The following INPP5D variants were observed in gnomAD, a reference collection of about 807,000 sequenced individuals.
INPP5D encodes inositol polyphosphate-5-phosphatase D, also known as phosphatidylinositol 3,4,5-trisphosphate 5-phosphatase 1.
INPP5D carries 33 observed loss-of-function variants against 122.9 expected under a neutral mutation model. That is an observed-to-expected ratio of 0.27 (90% CI 0.20 to 0.36). The LOEUF (loss-of-function observed/expected upper bound fraction) is 0.36, where lower values mean the gene tolerates loss of function less well. Among genes scored for constraint, INPP5D ranks in the 10% least tolerant of loss-of-function variants. INPP5D has a pLI of 1.00. For synonymous variants in INPP5D, 584 were observed against 576.2 expected, an observed-to-expected ratio of 1.01 and a Z score of -0.19; for missense variants, 1,053 against 1,412.7, an observed-to-expected ratio of 0.75 and a Z score of 4.08.
chr2:233,121,141 T>C (rs969708939), intron 2 of INPP5D, among the ~76,000 whole-genome samples: 2 of 147,124 alleles, frequency 1.4e-5, no homozygotes, highest in African/African-American at 5.0e-5. Flanking sequence ...TTTCTTTTTT[T>C]TTTTTTTTGA....
intron 1 of INPP5D, among the ~76,000 whole-genome samples, chr2:233,074,981 C>G (rs1369449350): frequency 6.6e-6 from 1 of 152,160 alleles, no homozygotes; most frequent in African/African-American, 2.4e-5. Flanking sequence ...ATGTTTCTTC[C>G]TACTTCCACG....
chr2:233,138,785 G>A (rs139627206), intron 5 of INPP5D, among the ~76,000 whole-genome samples: 8,425 of 151,608 alleles, frequency 0.056, 740 homozygotes, highest in African/African-American at 0.19. Context: ...TCGCTCTGTC[G>A]CCCAGGCTGG....
rs1694663723 is a variant in INPP5D at position 233,177,298 on chromosome 2, G to A, written c.2023G>A (p.Val675Ile). 1.9e-6 allele frequency: 3 copies of A among 1,613,842 alleles called. No individual in the cohort carries two copies. Among genetic ancestry groups the A allele is most frequent in the African/African-American group, 1.3e-5 (1 of 74,928 alleles). The change falls in exon 18 of 27, where the codon GTC becomes ATC. Residue 675 changes from valine to isoleucine, a missense_variant. Around this residue, in one of 6 missense-constraint regions of INPP5D, gnomAD observed 258 missense variants for 439.1 expected, o/e 0.59. Coordinates refer to ENST00000445964, the MANE Select transcript of INPP5D (RefSeq NM_001017915.3). The surrounding 1 kb of genome is among the most constrained non-coding windows in gnomAD (Gnocchi z 4.2). ...CAACTTGCCTTCCTGGTGTGACCGA[G>A]TCCTCTGGAAGTCTTATCCCCTGGT... ...KYNLPSWCDR[V>I]LWKSYPLVHV...
rs116503336 is a variant in INPP5D at position 233,105,106 on chromosome 2, T to G, written c.199-17001T>G. Among the ~76,000 whole-genome samples, 557 of 152,250 alleles carry G rather than the reference T, an allele frequency of 3.7e-3. 4 individuals carry two copies. The highest frequency in any genetic ancestry group is 0.013 in the African/African-American group (525 of 41,544). On this transcript the variant is annotated intron_variant, in intron 2 of 26. Transcript: ENST00000445964. The surrounding 1 kb of genome is among the most constrained non-coding windows in gnomAD (Gnocchi z 4.0). ...CCCGGGTTTCTCCTGGATTTCCCCATAGGTGAGGTGGTTCCAGTGCCCAAG... is the reference window on the plus strand; with the variant it reads ...CCCGGGTTTCTCCTGGATTTCCCCAGAGGTGAGGTGGTTCCAGTGCCCAAG...
intron 5 of INPP5D, among the ~76,000 whole-genome samples, chr2:233,132,837 A>G (rs1031767360): frequency 4.6e-5 from 7 of 151,726 alleles, no homozygotes; most frequent in Middle Eastern, 3.4e-3. Context: ...TGGATCTAAC[A>G]TCTCAGTGAG....
At position 233,112,696 on chromosome 2, in the gene INPP5D, G is replaced by A. The variant is rs377346275; in HGVS notation, c.199-9411G>A. On this transcript the variant is annotated intron_variant, in intron 2 of 26. Transcript: ENST00000445964. ...ATATATCTTTTTTTTAAAAAATACC[G>A]CATCTCACTCTGTTGCCTAGGCTGG... Among the ~76,000 whole-genome samples the A allele has an allele frequency of 2.0e-4, 30 of 152,058 alleles. No individual in the cohort carries two copies. The East Asian group carries it at 4.4e-3, about 23-fold the overall frequency.
At chr2:233,133,600 T>A (rs1358763761) in intron 5 of INPP5D, among the ~76,000 whole-genome samples, 1 of 152,228 alleles carries the variant, frequency 6.6e-6, no homozygotes, top group African/African-American at 2.4e-5. Context: ...AATATTGGGA[T>A]ATACTCATGC....
At position 233,195,471 on chromosome 2, in the gene INPP5D, T is replaced by C. The variant is rs773046707; in HGVS notation, c.2669T>C (p.Met890Thr). ...AAGAGCCTCACCAGCCACGACCCCA[T>C]GAAGCAGTGGGAAGTCACTAGCAGG... is the stretch of plus-strand genomic sequence containing the variant. ...TLKSLTSHDPMKQWEVTSRAP... is the reference protein window; with the variant it reads ...TLKSLTSHDPTKQWEVTSRAP... Residue 890 changes from methionine to threonine, a missense_variant, in exon 24 of 27, where the codon ATG (methionine) becomes ACG (threonine). Met to Thr is a moderately conservative substitution (Grantham distance 81). Around this residue, in one of 6 missense-constraint regions of INPP5D, gnomAD observed 417 missense variants for 425.8 expected, o/e 0.98. Coordinates refer to ENST00000445964, the MANE Select transcript of INPP5D (RefSeq NM_001017915.3). The C allele has an allele frequency of 6.2e-7, 1 of 1,613,128 alleles. No homozygotes were observed. Among genetic ancestry groups the C allele is most frequent in the Non-Finnish European group, 8.5e-7 (1 of 1,179,590 alleles).
intron 25 of INPP5D, among the ~76,000 whole-genome samples, chr2:233,201,490 C>T (rs1695341108): frequency 6.6e-6 from 1 of 152,206 alleles, no homozygotes; most frequent in Non-Finnish European, 1.5e-5. Flanking sequence ...CGCTTGGAGC[C>T]TGGAGCCCTG....
chr2:233,201,643 G>A (rs555732829), intron 25 of INPP5D, among the ~76,000 whole-genome samples: 41 of 152,318 alleles, frequency 2.7e-4, no homozygotes, highest in Middle Eastern at 6.8e-3. Context: ...TGACCTTCCC[G>A]GTTTGCCAAG....
At chr2:233,196,752 C>G (rs577653022) in intron 24 of INPP5D, among the ~76,000 whole-genome samples, 3 of 152,164 alleles carry the variant, frequency 2.0e-5, no homozygotes, top group Non-Finnish European at 4.4e-5. Context: ...GCTCACCAGC[C>G]GAGGAGGCAG....
chr2:233,172,513 G>A (rs527447861), intron 17 of INPP5D, among the ~76,000 whole-genome samples: 1 of 152,124 alleles, frequency 6.6e-6, no homozygotes. Context: ...GGGGAAATCA[G>A]GATATATTGC....
At chr2:233,061,660 C>T (rs1273083910) in intron 1 of INPP5D, among the ~76,000 whole-genome samples, 1 of 152,170 alleles carries the variant, frequency 6.6e-6, no homozygotes, top group Non-Finnish European at 1.5e-5. Flanking sequence ...ATTTGTTAGC[C>T]CATTTCATCC....
rs1339904801 is a variant in INPP5D at position 233,100,492 on chromosome 2, C to A, written c.198+21094C>A. On this transcript the variant is annotated intron_variant, in intron 2 of 26. Coordinates refer to ENST00000445964, the MANE Select transcript of INPP5D (RefSeq NM_001017915.3). This position sits in a 1 kb window ranked among gnomAD's most constrained non-coding sequence, Gnocchi z 5.3. ...ACTACACTGTAAACTCCAAAACAGCCCACGTTACTCCCGGTGACAATCAGA... is the reference window on the plus strand; with the variant it reads ...ACTACACTGTAAACTCCAAAACAGCACACGTTACTCCCGGTGACAATCAGA... 1.3e-5 allele frequency among the ~76,000 whole-genome samples: 2 copies of A among 152,146 alleles called. No individual in the cohort carries two copies. The highest frequency in any genetic ancestry group is 2.9e-5 in the Non-Finnish European group (2 of 68,030).
intron 5 of INPP5D, among the ~76,000 whole-genome samples, chr2:233,137,791 C>T (rs1260543135): frequency 7.8e-6 from 1 of 128,048 alleles, no homozygotes; most frequent in African/African-American, 2.9e-5. Flanking sequence ...GAGATACTGC[C>T]CTTGCACTCC....
In INPP5D at chr2:233,147,592, A is replaced by G. The variant is rs750924420; in HGVS notation, c.1028A>G (p.Lys343Arg). ...GAGGACAAGTTCTACAGCCACAAGA[A>G]AAGTAAGACCCCTCGTGCCTATCAA... The part of the protein sequence containing the change: ...GSEDKFYSHK[K>R]ILQLIKSQKF... Residue 343 changes from lysine to arginine, a missense_variant and splice_region_variant, in exon 9 of 27, where the codon AAA becomes AGA. Transcript: ENST00000445964. 5.7e-6 allele frequency: 4 copies of G among 704,184 alleles called. No homozygotes were observed. The highest frequency in any genetic ancestry group is 1.0e-5 in the Non-Finnish European group (4 of 384,910). The allele number at this position is 704,184 out of a possible 1,614,324, so 43.6% of individuals were successfully genotyped here.
At chr2:233,137,848 AAAAAAATATATATATATATATATAT>A (rs1404090509) in intron 5 of INPP5D, among the ~76,000 whole-genome samples, 32 of 14,328 alleles carry the variant, frequency 2.2e-3, no homozygotes, top group African/African-American at 6.3e-3. Flanking sequence ...AAAAAAAAAA[AAAAAAATATATATATATATATATAT>A]ATATATATAT....
At chr2:233,192,893 CCTTGCTGGCATTGGGTGGTTTTGTTT>C (rs1260100887) in intron 22 of INPP5D, among the ~76,000 whole-genome samples, 1 of 152,214 alleles carries the variant, frequency 6.6e-6, no homozygotes, top group Non-Finnish European at 1.5e-5. Flanking sequence ...TTCCCCAGAT[CCTTGCTGGCATTGGGTGGTTTTGTTT>C]TTTGTTTTTG....
At chr2:233,084,877 C>T (rs768056835) in intron 2 of INPP5D, among the ~76,000 whole-genome samples, 14 of 152,202 alleles carry the variant, frequency 9.2e-5, no homozygotes, top group Non-Finnish European at 1.9e-4. Context: ...TGGAGGGGTT[C>T]CTTTATGCTC....
Sources: gnomAD v4.1 joint callset for allele counts (sites outside exome capture counted in the v4.1 genomes callset) on GRCh38, gnomAD v4.1.1 for gene constraint, gnomAD v4.1.1 regional missense constraint, Gnocchi (gnomAD v3.1) non-coding constraint, MANE v1.5 for transcripts, NCBI Gene and HGNC (gene_info 2026-07-23, HGNC 2026-07-21) for gene names.